JPH3: variants seen among roughly 807,000 people sequenced by gnomAD.
JPH3 encodes the protein junctophilin-3.
In JPH3, 11 loss-of-function variants were observed where a neutral mutation model predicts 59.6. That is an observed-to-expected ratio of 0.18 (90% CI 0.12 to 0.31). The LOEUF (loss-of-function observed/expected upper bound fraction) is 0.31. Ranked by LOEUF, JPH3 falls within the 10% of genes least tolerant of loss-of-function variation. The pLI is 1.00. For synonymous variants in JPH3, 673 were observed against 483.6 expected, an observed-to-expected ratio of 1.39 and a Z score of -5.14; for missense variants, 1,202 against 1,105.7, an observed-to-expected ratio of 1.09 and a Z score of -1.24.
At chr16:87,674,139 C>G (rs1221956301) in intron 2 of JPH3, among the ~76,000 whole-genome samples, 1 of 151,732 alleles carries the variant, frequency 6.6e-6, no homozygotes, top group African/African-American at 2.4e-5. Context: ...TCGAGACCAT[C>G]CTGGCTAACA....
intron 2 of JPH3, among the ~76,000 whole-genome samples, chr16:87,680,688 G>C (rs1168091487): frequency 6.6e-6 from 1 of 152,158 alleles, no homozygotes; most frequent in Non-Finnish European, 1.5e-5. Context: ...TAGGCGTCAG[G>C]AGCCATTACC....
chr16:87,695,791 C>T (rs117376372), intron 4 of JPH3: 8,595 of 456,014 alleles, frequency 0.019, 118 homozygotes, highest in Non-Finnish European at 0.027. Flanking sequence ...TGCAGAAGGG[C>T]GCCCCCGGAA....
intron 1 of JPH3, among the ~76,000 whole-genome samples, chr16:87,616,190 T>TTTTTTGTG (rs3221600): frequency 2.1e-4 from 24 of 116,018 alleles, no homozygotes; most frequent in African/African-American, 7.7e-4. Context: ...CAATCTGGTT[T>TTTTTTGTG]TGTGTGTGTG....
At chr16:87,659,394 A>G (rs1233563589) in intron 2 of JPH3, among the ~76,000 whole-genome samples, 1 of 143,852 alleles carries the variant, frequency 7.0e-6, no homozygotes, top group Non-Finnish European at 1.5e-5. Context: ...AAAGAAAAAA[A>G]AAAAGAAAAC....
intron 1 of JPH3, among the ~76,000 whole-genome samples, chr16:87,618,625 G>A (rs193223761): frequency 2.0e-5 from 3 of 152,304 alleles, no homozygotes; most frequent in African/African-American, 7.2e-5. Flanking sequence ...CAGCATGGGG[G>A]CTCTGGTGTT....
At chr16:87,645,174 C>A (rs951569115) in intron 2 of JPH3, 139 bp downstream of exon 2, 2 of 864,366 alleles carry the variant, frequency 2.3e-6, no homozygotes, top group Non-Finnish European at 3.5e-6. Context: ...CAAACTATGC[C>A]CCCATGGAAC....
At chr16:87,682,691 T>C (rs1177218636) in intron 2 of JPH3, among the ~76,000 whole-genome samples, 1 of 152,184 alleles carries the variant, frequency 6.6e-6, no homozygotes, top group African/African-American at 2.4e-5. Context: ...GGTGCTTTGT[T>C]GCAGCCCCAA....
At chr16:87,695,959 G>T in intron 4 of JPH3, 1 of 456,052 alleles carries the variant, frequency 2.2e-6, no homozygotes, top group Non-Finnish European at 4.4e-6. Context: ...GGAGGTGGTG[G>T]CAGCAGCATT....
intron 4 of JPH3, 116 bp downstream of exon 4, chr16:87,690,642 TGGA>T: frequency 9.0e-7 from 1 of 1,114,142 alleles, no homozygotes; most frequent in East Asian, 2.9e-5. Context: ...TCTCCAGGGG[TGGA>T]GTAGGGTGGG....
rs534548276 is a variant in JPH3 at position 87,608,613 on chromosome 16, G to A, written c.382+5085G>A. ...CTTCAGCACCTTGGAGAGCGCTCCC[G>A]GCTGCCTGCCTGGGTTGGGTGGACG... On this transcript the variant is annotated intron_variant, in intron 1 of 4. Transcript: ENST00000284262. 3.9e-5 allele frequency among the ~76,000 whole-genome samples: 6 copies of A among 152,280 alleles called. 1 individual carries two copies. The highest frequency in any genetic ancestry group is 9.6e-5 in the African/African-American group (4 of 41,554).
intron 2 of JPH3, among the ~76,000 whole-genome samples, chr16:87,680,620 G>A (rs2033265533): frequency 6.6e-6 from 1 of 152,204 alleles, no homozygotes; most frequent in Non-Finnish European, 1.5e-5. Flanking sequence ...CCCCAGGTGA[G>A]CTCAGATGCC....
chr16:87,604,074 G>A (rs1384205558), intron 1 of JPH3: 1 of 985,430 alleles, frequency 1.0e-6, no homozygotes, highest in African/African-American at 1.7e-5. Flanking sequence ...AAACAGCCAG[G>A]CAGTACACTT....
intron 1 of JPH3, among the ~76,000 whole-genome samples, chr16:87,635,662 C>T (rs559031391): frequency 1.9e-4 from 29 of 152,248 alleles, no homozygotes; most frequent in Non-Finnish European, 3.5e-4. Flanking sequence ...GCAGCTGTGG[C>T]TCGAGTGACA....
intron 1 of JPH3, among the ~76,000 whole-genome samples, chr16:87,624,169 T>C (rs2150830988): frequency 6.6e-6 from 1 of 152,354 alleles, no homozygotes; most frequent in African/African-American, 2.4e-5. Context: ...TGCTGACATA[T>C]GTTTCACACA....
chr16:87,669,485 C>T (rs936256846), intron 2 of JPH3, among the ~76,000 whole-genome samples: 2 of 152,248 alleles, frequency 1.3e-5, no homozygotes, highest in South Asian at 2.1e-4. Context: ...ACCTTGGACA[C>T]GTTGCCTGGC....
chr16:87,615,125 T>C (rs1162099562), intron 1 of JPH3, among the ~76,000 whole-genome samples: 1 of 152,246 alleles, frequency 6.6e-6, no homozygotes, highest in Non-Finnish European at 1.5e-5. Flanking sequence ...ACATGAGGGT[T>C]GGTGGCTCTC....
At chr16:87,603,672 C>A in intron 1 of JPH3, 144 bp downstream of exon 1, 1 of 1,076,290 alleles carries the variant, frequency 9.3e-7, no homozygotes, top group Non-Finnish European at 1.3e-6. Context: ...CCCTGGAAGC[C>A]ACGGCGGCTC....
chr16:87,638,002 C>G (rs910070017), intron 1 of JPH3, among the ~76,000 whole-genome samples: 3 of 152,176 alleles, frequency 2.0e-5, no homozygotes, highest in African/African-American at 7.2e-5. Context: ...CTGCAGCAGC[C>G]TCTGCCTCCT....
chr16:87,605,959 G>A (rs2030503076), intron 1 of JPH3, among the ~76,000 whole-genome samples: 1 of 152,212 alleles, frequency 6.6e-6, no homozygotes, highest in African/African-American at 2.4e-5. Context: ...TGGCATGACA[G>A]GAAATAGAAT....
Sources: allele counts gnomAD v4.1 joint callset (sites outside exome capture counted in the v4.1 genomes callset), GRCh38; gene constraint gnomAD v4.1.1; transcripts MANE v1.5; gene names NCBI Gene and HGNC (gene_info 2026-07-23, HGNC 2026-07-21).